Variants in FOXO1 observed in about 807,000 individuals in gnomAD.
The protein encoded by FOXO1 is forkhead box protein O1.
In FOXO1, 6 loss-of-function variants were observed where a neutral mutation model predicts 44.1. That is an observed-to-expected ratio of 0.14 (90% CI 0.07 to 0.27). The LOEUF is 0.27. Ranked by LOEUF, FOXO1 falls within the 10% of genes least tolerant of loss-of-function variation. The probability of loss-of-function intolerance (pLI) is 1.00; values close to 1 mark genes in which losing one functional copy is unlikely to be tolerated. For synonymous variants in FOXO1, 380 were observed against 362.7 expected, an observed-to-expected ratio of 1.05 and a Z score of -0.54; for missense variants, 737 against 888.8, an observed-to-expected ratio of 0.83 and a Z score of 2.17.
intron 1 of FOXO1, among the ~76,000 whole-genome samples, chr13:40,591,491 C>G (rs1566069326): frequency 6.6e-6 from 1 of 152,072 alleles, no homozygotes; most frequent in Non-Finnish European, 1.5e-5. Context: ...GCCAGAGGCC[C>G]AGAACAGGAA....
chr13:40,561,458 T>C (rs2137824581), intron 1 of FOXO1, among the ~76,000 whole-genome samples: 1 of 151,792 alleles, frequency 6.6e-6, no homozygotes, highest in East Asian at 1.9e-4. Context: ...TATGGAAAAA[T>C]CAAAGGAATT....
intron 1 of FOXO1, among the ~76,000 whole-genome samples, chr13:40,644,989 C>T (rs566363478): frequency 3.3e-5 from 5 of 152,288 alleles, no homozygotes; most frequent in Admixed American, 2.0e-4. Flanking sequence ...CTACTGCTGG[C>T]GACAGAGTCG....
Position 40,557,864 on chromosome 13 carries a change from G to T in FOXO1, c.*1185C>A, listed in dbSNP as rs1451772263. The T allele has an allele frequency of 1.3e-5, 2 of 152,204 alleles. No individual in the cohort carries two copies. Among genetic ancestry groups the T allele is most frequent in the African/African-American group, 4.8e-5 (2 of 41,452 alleles). The allele number at this position is 152,204 out of a possible 1,614,324, so 9.4% of individuals were successfully genotyped here. A position where few individuals can be genotyped will look rare whatever the true frequency, so the allele number is the denominator to read the frequency against. ...TATGAGGCCTCCCAGGACTACAGAG[G>T]TCTCTAGAGAAGACTTGATGCTATG... On this transcript the variant is annotated 3_prime_UTR_variant, in exon 3 of 3. Transcript: ENST00000379561.
At chr13:40,602,394 C>G (rs1350264654) in intron 1 of FOXO1, among the ~76,000 whole-genome samples, 1 of 152,144 alleles carries the variant, frequency 6.6e-6, no homozygotes. Flanking sequence ...AAAGTCTTTT[C>G]TCTTTTTCCC....
chr13:40,666,268 A>C lies in FOXO1; in HGVS notation c.-56T>G, dbSNP rs1878251035. 7.6e-7 allele frequency: 1 copy of C among 1,313,808 alleles called. No homozygotes were observed. The highest frequency in any genetic ancestry group is 3.1e-5 in the East Asian group (1 of 31,952). The allele number at this position is 1,313,808 out of a possible 1,614,324, so 81.4% of individuals were successfully genotyped here. A position where few individuals can be genotyped will look rare whatever the true frequency, so the allele number is the denominator to read the frequency against. On this transcript the variant is annotated 5_prime_UTR_variant, in exon 1 of 3. Transcript: ENST00000379561. ...AGAGCCAAGAGGGGGAGAACGCAGC[A>C]CTGGGGGCGGACGGGGAGGGGGCGC...
chr13:40,663,521 G>A (rs1878114536), intron 1 of FOXO1, among the ~76,000 whole-genome samples: 2 of 152,146 alleles, frequency 1.3e-5, no homozygotes, highest in Non-Finnish European at 1.5e-5. Flanking sequence ...AAAAAAAGGG[G>A]GGAGGATTTT....
rs1873871920 is a variant in FOXO1, at chr13:40,559,021, C to T, written c.*28G>A. 1 of 396,998 alleles carries T rather than the reference C, an allele frequency of 2.5e-6. No individual in the cohort carries two copies. The highest frequency in any genetic ancestry group is 4.4e-6 in the Non-Finnish European group (1 of 225,618). The allele number at this position is 396,998 out of a possible 1,614,324, so 24.6% of individuals were successfully genotyped here. Reference sequence around the variant, plus strand: ...TCCTGCTGTCAGACAATCTGAAGTACTTTTAAGTGTAACCTAGGAAAAAAC... The same window carrying T: ...TCCTGCTGTCAGACAATCTGAAGTATTTTTAAGTGTAACCTAGGAAAAAAC... On this transcript the variant is annotated 3_prime_UTR_variant, in exon 3 of 3. Coordinates refer to ENST00000379561, the MANE Select transcript of FOXO1 (RefSeq NM_002015.4).
At chr13:40,645,521 A>C (rs559136550) in intron 1 of FOXO1, among the ~76,000 whole-genome samples, 10 of 152,202 alleles carry the variant, frequency 6.6e-5, no homozygotes, top group Non-Finnish European at 1.0e-4. Flanking sequence ...AGTTCTATTA[A>C]TAACAATGAC....
intron 1 of FOXO1, among the ~76,000 whole-genome samples, chr13:40,622,254 G>A (rs758860126): frequency 1.7e-4 from 26 of 152,266 alleles, no homozygotes; most frequent in Admixed American, 5.9e-4. Context: ...ATAAAGAATC[G>A]ATTGCATAGA....
chr13:40,628,592 G>A (rs905603988), intron 1 of FOXO1, among the ~76,000 whole-genome samples: 1 of 151,970 alleles, frequency 6.6e-6, no homozygotes, highest in South Asian at 2.1e-4. Flanking sequence ...TAGTGGAATC[G>A]ACTCATACGA....
intron 1 of FOXO1, among the ~76,000 whole-genome samples, chr13:40,640,548 C>A (rs973163595): frequency 6.6e-5 from 10 of 152,202 alleles, no homozygotes; most frequent in Non-Finnish European, 1.5e-5. Context: ...CAGGTCACTT[C>A]GCTTCTCTTC....
At chr13:40,645,095 C>T (rs1877468582) in intron 1 of FOXO1, among the ~76,000 whole-genome samples, 1 of 152,212 alleles carries the variant, frequency 6.6e-6, no homozygotes, top group Admixed American at 6.5e-5. Flanking sequence ...TCTTACCTCA[C>T]ACCTTGGTAT....
rs376524835 is a variant in FOXO1, at chr13:40,665,580, C to A, written c.630+3G>T. The A allele has an allele frequency of 7.1e-6, 10 of 1,411,210 alleles. No homozygotes were observed. In the Admixed American group the frequency reaches 1.4e-4, roughly 20 times the overall value. 87.4% of individuals were successfully genotyped at this position (1,411,210 alleles called of 1,614,324 possible). A position where few individuals can be genotyped will look rare whatever the true frequency, so the allele number is the denominator to read the frequency against. On this transcript the variant is annotated splice_donor_region_variant and intron_variant, in intron 1 of 2. Transcript: ENST00000379561. ...GGTCCGGCCGCGCGCCGAGTCCACT[C>A]ACCTTCCAGCCCGCCGAGCTGTTGC...
At chr13:40,597,046 TC>T (rs957333374) in intron 1 of FOXO1, among the ~76,000 whole-genome samples, 8 of 152,298 alleles carry the variant, frequency 5.3e-5, no homozygotes, top group Admixed American at 4.6e-4. Flanking sequence ...GCAACTTATC[TC>T]CCCAAGCATG....
Position 40,627,568 on chromosome 13 carries a change from C to T in FOXO1, c.630+38015G>A, listed in dbSNP as rs1423609738. 2.0e-5 allele frequency among the ~76,000 whole-genome samples: 3 copies of T among 152,114 alleles called. No homozygotes were observed. In the East Asian group the frequency reaches 5.8e-4, roughly 29 times the overall value. Reference sequence around the variant, plus strand: ...ACTTTCCTGGCCAAGCGTGGTGGCTCATGCCTGTAATCCCAGCACTTTGGG... The same window carrying T: ...ACTTTCCTGGCCAAGCGTGGTGGCTTATGCCTGTAATCCCAGCACTTTGGG... On this transcript the variant is annotated intron_variant, in intron 1 of 2. Coordinates refer to ENST00000379561, the MANE Select transcript of FOXO1 (RefSeq NM_002015.4).
intron 1 of FOXO1, among the ~76,000 whole-genome samples, chr13:40,598,740 C>A (rs1875693027): frequency 6.6e-6 from 1 of 152,222 alleles, no homozygotes; most frequent in African/African-American, 2.4e-5. Flanking sequence ...GCAGCACTGG[C>A]ATCACTAGGA....
In FOXO1 at chr13:40,558,426, T is replaced by C. The variant is rs1345651156; in HGVS notation, c.*623A>G. The C allele has an allele frequency of 6.3e-6, 1 of 157,608 alleles. No homozygotes were observed. Among genetic ancestry groups the C allele is most frequent in the Non-Finnish European group, 1.4e-5 (1 of 71,554 alleles). The allele number at this position is 157,608 out of a possible 1,614,324, so 9.8% of individuals were successfully genotyped here. A position where few individuals can be genotyped will look rare whatever the true frequency, so the allele number is the denominator to read the frequency against. ...ATTTAATCTTTTTTTTTCCAAAAGT[T>C]TAACAAGTCCATTAATTTAGCAGAT... On this transcript the variant is annotated 3_prime_UTR_variant, in exon 3 of 3. Transcript: ENST00000379561.
chr13:40,575,452 G>A (rs554111757), intron 1 of FOXO1, among the ~76,000 whole-genome samples: 7 of 152,300 alleles, frequency 4.6e-5, no homozygotes, highest in South Asian at 4.1e-4. Flanking sequence ...GCACCAAGGA[G>A]GAAGGGTCTC....
intron 1 of FOXO1, among the ~76,000 whole-genome samples, chr13:40,599,886 C>T (rs1875753646): frequency 6.6e-6 from 1 of 152,126 alleles, no homozygotes; most frequent in South Asian, 2.1e-4. Context: ...AGTGATGTGT[C>T]ATCTTGCCCA....
Sources: gnomAD v4.1 joint callset for allele counts (sites outside exome capture counted in the v4.1 genomes callset) on GRCh38, gnomAD v4.1.1 for gene constraint, MANE v1.5 for transcripts, NCBI Gene and HGNC (gene_info 2026-07-23, HGNC 2026-07-21) for gene names.